Variants in SYNE2 observed in about 807,000 individuals in gnomAD.
The protein encoded by SYNE2 is spectrin repeat containing nuclear envelope protein 2, also known as nesprin-2.
SYNE2 carries 431 observed loss-of-function variants against 856.3 expected under a neutral mutation model. That is an observed-to-expected ratio of 0.50 (90% CI 0.47 to 0.55). SYNE2 has a LOEUF of 0.55. Among genes scored for constraint, SYNE2 ranks in the 20% least tolerant of loss-of-function variants. The probability of loss-of-function intolerance (pLI) is 0.00; values close to 1 mark genes in which losing one functional copy is unlikely to be tolerated. For missense variants in SYNE2, 8,129 were observed against 8,023.2 expected (o/e 1.01, Z -0.50); for synonymous variants, 2,923 against 2,872.3 (o/e 1.02, Z -0.56).
rs1382089459 is a variant in SYNE2 at position 64,202,256 on chromosome 14, T to C, written c.18039-545T>C. On this transcript the variant is annotated intron_variant, in intron 99 of 115. Coordinates refer to ENST00000555002, the MANE Select transcript of SYNE2 (RefSeq NM_182914.3). ...TGTATACGGCTGGGTGAACCCCTCA[T>C]ACTGAAGCGGTAGGGCTTGGCACAT... The C allele has an allele frequency of 4.3e-6, 3 of 702,300 alleles. No individual in the cohort carries two copies. In the Admixed American group the frequency reaches 6.0e-5, roughly 14 times the overall value. 43.5% of individuals were successfully genotyped at this position (702,300 alleles called of 1,614,324 possible). A position where few individuals can be genotyped will look rare whatever the true frequency, so the allele number is the denominator to read the frequency against.
intron 2 of SYNE2, among the ~76,000 whole-genome samples, chr14:63,924,566 T>C (rs1402303625): frequency 1.3e-5 from 2 of 152,212 alleles, no homozygotes; most frequent in Non-Finnish European, 2.9e-5. Flanking sequence ...ATTGAATAAG[T>C]CTTGCAGTTC....
At chr14:64,121,240 G>A (rs1303211730) in intron 68 of SYNE2, among the ~76,000 whole-genome samples, 179 bp downstream of exon 68, 2 of 152,038 alleles carry the variant, frequency 1.3e-5, no homozygotes, top group African/African-American at 4.8e-5. Context: ...CAAAAAAAAG[G>A]CCAGGCACAG....
At chr14:63,943,888 A>T (rs1255856) in intron 6 of SYNE2, among the ~76,000 whole-genome samples, 2 of 151,508 alleles carry the variant, frequency 1.3e-5, no homozygotes, top group Admixed American at 6.6e-5. Flanking sequence ...TCAGGCTGGT[A>T]TTGAACTCCT....
chr14:63,869,071 G>A (rs1309505469), intron 1 of SYNE2, among the ~76,000 whole-genome samples: 2 of 152,174 alleles, frequency 1.3e-5, no homozygotes, highest in African/African-American at 4.8e-5. Flanking sequence ...AAATAAAATG[G>A]AGAATGAAAC....
chr14:64,021,901 A>G lies in SYNE2; in HGVS notation c.5397A>G (p.Leu1799=), dbSNP rs1407637316. 2.5e-6 allele frequency: 4 copies of G among 1,614,032 alleles called. No homozygotes were observed. Among genetic ancestry groups the G allele is most frequent in the South Asian group, 1.1e-5 (1 of 91,080 alleles). The stretch of plus-strand genomic sequence containing the variant: ...TACAGCAAAAACACAGTATGATATT[A>G]CTTGAGAATCAAATAGGTTGTCTGA... The part of the protein sequence containing the change: ...QILQQKHSMI[L]LENQIGCLTP... The change falls in exon 37 of 116, where the codon TTA becomes TTG. Residue 1799 remains leucine (L), a synonymous_variant. Coordinates refer to ENST00000555002, the MANE Select transcript of SYNE2 (RefSeq NM_182914.3).
chr14:64,159,239 T>TTG, intron 86 of SYNE2, 73 bp from the exon 87 acceptor site: 7 of 1,591,842 alleles, frequency 4.4e-6, no homozygotes, highest in Non-Finnish European at 6.0e-6. Context: ...GTAGCAAGTG[T>TTG]TGAGAAGCTG....
At position 64,134,193 on chromosome 14, in the gene SYNE2, T is replaced by C. The variant is rs377095054; in HGVS notation, c.14639T>C (p.Phe4880Ser). The stretch of plus-strand genomic sequence containing the variant: ...GAAAGATTAGTGGAAAGGATTTCAT[T>C]TTACCAGGTATTTGTCTTCCATTTA... ...TEERLVERIS[F>S]YQQIKRNIGG... Residue 4880 changes from phenylalanine (F) to serine (S), a missense_variant, in exon 78 of 116, where the codon TTT becomes TCT. Around this residue, in one of 3 missense-constraint regions of SYNE2, gnomAD observed 5,410 missense variants for 5,284.8 expected, o/e 1.02. Transcript: ENST00000555002. 1 of 1,613,992 alleles carries C rather than the reference T, an allele frequency of 6.2e-7. No homozygotes were observed. The highest frequency in any genetic ancestry group is 8.5e-7 in the Non-Finnish European group (1 of 1,179,980).
At chr14:64,166,862 G>A (rs1036967282) in intron 90 of SYNE2, 1 of 272,468 alleles carries the variant, frequency 3.7e-6, no homozygotes, top group Non-Finnish European at 7.1e-6. Flanking sequence ...GAACCCAGGA[G>A]GCGGAGGTTG....
At chr14:64,006,843 GACAAA>G (rs1055017624) in intron 30 of SYNE2, among the ~76,000 whole-genome samples, 195 bp from the exon 31 acceptor site, 10 of 151,854 alleles carry the variant, frequency 6.6e-5, no homozygotes, top group East Asian at 3.9e-4. Flanking sequence ...AACAAAATAA[GACAAA>G]ACAAAACAAA....
chr14:64,171,750 T>A (rs2153727278), intron 94 of SYNE2, among the ~76,000 whole-genome samples: 1 of 152,096 alleles, frequency 6.6e-6, no homozygotes, highest in Non-Finnish European at 1.5e-5. Flanking sequence ...GGGAGGAGTG[T>A]TTTGCAGGTT....
At position 63,967,418 on chromosome 14, in the gene SYNE2, C is replaced by T. The variant is rs534734169; in HGVS notation, c.991-291C>T. Among the ~76,000 whole-genome samples, 6 of 152,266 alleles carry T rather than the reference C, an allele frequency of 3.9e-5. No homozygotes were observed. In the East Asian group the frequency reaches 1.2e-3, roughly 29 times the overall value. On this transcript the variant is annotated intron_variant, in intron 10 of 115. Transcript: ENST00000555002. Reference sequence around the variant, plus strand: ...GGAGAACAAACAAACTCATATTTTCCATGTAGCATCATGATCTGTCCTGTA... The same window carrying T: ...GGAGAACAAACAAACTCATATTTTCTATGTAGCATCATGATCTGTCCTGTA...
intron 32 of SYNE2, among the ~76,000 whole-genome samples, chr14:64,015,045 GTA>G (rs1191833135): frequency 3.4e-5 from 4 of 118,910 alleles, no homozygotes; most frequent in African/African-American, 1.0e-4. Flanking sequence ...ATGTATATAT[GTA>G]TATATATAAA....
chr14:64,075,689 G>C, intron 53 of SYNE2: 1 of 444,148 alleles, frequency 2.3e-6, no homozygotes, highest in South Asian at 2.3e-5. Context: ...AGAAGCAGGG[G>C]GTGTTGTAAT....
Position 63,895,397 on chromosome 14 carries a change from CT to C in SYNE2, c.-51-13700del, listed in dbSNP as rs2095230887. Among the ~76,000 whole-genome samples, 4 of 151,842 alleles carry C rather than the reference CT, an allele frequency of 2.6e-5. No individual in the cohort carries two copies. The South Asian group carries it at 8.3e-4, about 32-fold the overall frequency. On this transcript the variant is annotated intron_variant, in intron 1 of 115. Coordinates refer to ENST00000555002, the MANE Select transcript of SYNE2 (RefSeq NM_182914.3). ...GTGCTGGGATTACAGGCGTGAGCCA[CT>C]GCACCTGGCCAAATTTCCATTTTCT... is the stretch of plus-strand genomic sequence containing the variant.
Position 64,081,535 on chromosome 14 carries a change from C to A in SYNE2, c.11439C>A (p.Asp3813Glu), listed in dbSNP as rs1340038112. 1.9e-6 allele frequency: 3 copies of A among 1,614,198 alleles called. No individual in the cohort carries two copies. The highest frequency in any genetic ancestry group is 2.5e-6 in the Non-Finnish European group (3 of 1,180,028). Residue 3813 changes from aspartate (D) to glutamate (E), a missense_variant, in exon 57 of 116, where the codon GAC (aspartate) becomes GAA (glutamate). Asp to Glu is a conservative substitution (Grantham distance 45). Transcript: ENST00000555002. ...NTSHLLANPA[D>E]YDSLRTLSHH... ...GTCATTTGCTGGCCAATCCTGCTGA[C>A]TATGACTCTTTGAGGACACTGAGTC... is the stretch of plus-strand genomic sequence containing the variant.
At chr14:63,935,918 G>A (rs58069129) in intron 2 of SYNE2, among the ~76,000 whole-genome samples, 132,824 of 152,168 alleles carry the variant, frequency 0.87, 57,998 homozygotes, top group East Asian at 0.9. Context: ...TCTGTCACCC[G>A]GGCTGGAGTG....
intron 51 of SYNE2, among the ~76,000 whole-genome samples, chr14:64,068,336 C>T (rs1477589319): frequency 1.3e-5 from 2 of 152,162 alleles, no homozygotes; most frequent in Admixed American, 6.5e-5. Context: ...TTTCTGTTCT[C>T]ATAGTATTTC....
rs142267863 is a variant in SYNE2 at position 63,969,076 on chromosome 14, C to G, written c.1128+1230C>G. On this transcript the variant is annotated intron_variant, in intron 11 of 115. Transcript: ENST00000555002. ...TTTAGATTCCACAAATAAGTAAGAACATGTGATATTTGTCTTTCTGTGCCT... is the reference window on the plus strand; with the variant it reads ...TTTAGATTCCACAAATAAGTAAGAAGATGTGATATTTGTCTTTCTGTGCCT... 5.9e-3 allele frequency among the ~76,000 whole-genome samples: 893 copies of G among 152,000 alleles called. 3 individuals carry two copies. The highest frequency in any genetic ancestry group is 0.017 in the Middle Eastern group (5 of 290).
At chr14:64,183,937 G>A (rs1356890587) in intron 96 of SYNE2, among the ~76,000 whole-genome samples, 1 of 133,944 alleles carries the variant, frequency 7.5e-6, no homozygotes, top group Non-Finnish European at 1.6e-5. Flanking sequence ...GGCATCAGAG[G>A]GAGACGTGGA....
Sources: allele counts gnomAD v4.1 joint callset (sites outside exome capture counted in the v4.1 genomes callset), GRCh38; gene constraint gnomAD v4.1.1; regional missense constraint gnomAD v4.1.1; transcripts MANE v1.5; gene names NCBI Gene and HGNC (gene_info 2026-07-23, HGNC 2026-07-21).